Variants in DDX4 observed in about 807,000 individuals in gnomAD.
The protein encoded by DDX4 is DEAD-box helicase 4.
A neutral mutation model predicts 100.0 loss-of-function variants in DDX4; 25 were observed. That is an observed-to-expected ratio of 0.25 (90% CI 0.18 to 0.35). The LOEUF (loss-of-function observed/expected upper bound fraction) is 0.35. Among genes scored for constraint, DDX4 ranks in the 10% least tolerant of loss-of-function variants. The pLI is 1.00. For missense variants in DDX4, 635 were observed against 882.4 expected, an observed-to-expected ratio of 0.72 and a Z score of 3.55; for synonymous variants, 259 against 275.7, an observed-to-expected ratio of 0.94 and a Z score of 0.60.
chr5:55,771,139 T>C (rs1414273937), intron 7 of DDX4, among the ~76,000 whole-genome samples: 1 of 152,170 alleles, frequency 6.6e-6, no homozygotes, highest in African/African-American at 2.4e-5. Context: ...TATATATGTT[T>C]ATATTAAAAT....
intron 18 of DDX4, among the ~76,000 whole-genome samples, chr5:55,810,639 TTACCA>T (rs1561519291): frequency 6.6e-6 from 1 of 151,978 alleles, no homozygotes; most frequent in Non-Finnish European, 1.5e-5. Context: ...TTGACAACTC[TTACCA>T]TACAACTCTT....
intron 18 of DDX4, among the ~76,000 whole-genome samples, chr5:55,806,890 C>T (rs1026528854): frequency 4.6e-5 from 7 of 152,058 alleles, no homozygotes; most frequent in African/African-American, 1.7e-4. Context: ...TGTTAACTTT[C>T]TGTCTCGATC....
chr5:55,801,891 T>A (rs1743337096), intron 18 of DDX4, among the ~76,000 whole-genome samples: 1 of 152,180 alleles, frequency 6.6e-6, no homozygotes, highest in Non-Finnish European at 1.5e-5. Context: ...ACCTATAAAT[T>A]GGAGTGAATC....
chr5:55,776,276 C>T lies in DDX4; in HGVS notation c.395-3688C>T, dbSNP rs949620800. ...TCTCTAAACTTGGAAATGGAAAACA[C>T]GAGAGTGGTTAATAAATAAGGTATG... is the stretch of plus-strand genomic sequence containing the variant. On this transcript the variant is annotated intron_variant, in intron 7 of 21. Transcript: ENST00000505374. Among the ~76,000 whole-genome samples the T allele has an allele frequency of 5.9e-5, 9 of 152,096 alleles. No individual in the cohort carries two copies. In the South Asian group the frequency reaches 1.2e-3, roughly 21 times the overall value.
chr5:55,763,142 T>C (rs1320868380), intron 4 of DDX4, 33 bp from the exon 5 acceptor site: 2 of 1,376,574 alleles, frequency 1.5e-6, no homozygotes, highest in Non-Finnish European at 2.1e-6. Flanking sequence ...TAATTTTATA[T>C]GTTAAAGAGT....
chr5:55,809,774 C>G (rs925866331), intron 18 of DDX4, among the ~76,000 whole-genome samples: 1 of 152,098 alleles, frequency 6.6e-6, no homozygotes, highest in Non-Finnish European at 1.5e-5. Flanking sequence ...TGATGTACAT[C>G]CCTAGTGAAG....
At chr5:55,803,318 T>C (rs1020057723) in intron 18 of DDX4, among the ~76,000 whole-genome samples, 8 of 151,394 alleles carry the variant, frequency 5.3e-5, no homozygotes, top group Non-Finnish European at 1.0e-4. Flanking sequence ...ATGGTGTATA[T>C]GTGCCACATT....
At chr5:55,760,389 A>G (rs1740453747) in intron 4 of DDX4, 112 bp downstream of exon 4, 1 of 1,096,052 alleles carries the variant, frequency 9.1e-7, no homozygotes, top group Non-Finnish European at 1.2e-6. Context: ...AGTGTGTAGT[A>G]GACTTGGTGT....
chr5:55,767,706 ACT>A (rs1199751138), intron 6 of DDX4, among the ~76,000 whole-genome samples, 173 bp from the exon 7 acceptor site: 1 of 152,180 alleles, frequency 6.6e-6, no homozygotes, highest in East Asian at 1.9e-4. Flanking sequence ...TAGGGAATCG[ACT>A]CTGAGTAATG....
chr5:55,788,239 C>T (rs1277883890), intron 15 of DDX4, among the ~76,000 whole-genome samples: 1 of 152,086 alleles, frequency 6.6e-6, no homozygotes, highest in Non-Finnish European at 1.5e-5. Context: ...CTTTGTGAGG[C>T]CCAGGCAGGC....
intron 18 of DDX4, among the ~76,000 whole-genome samples, chr5:55,812,213 T>C (rs1475113029): frequency 1.3e-5 from 2 of 152,214 alleles, no homozygotes; most frequent in African/African-American, 4.8e-5. Context: ...TATTCATCTT[T>C]ATAAACAAAT....
intron 10 of DDX4, among the ~76,000 whole-genome samples, chr5:55,782,631 A>T (rs1320582784): frequency 6.6e-6 from 1 of 151,860 alleles, no homozygotes; most frequent in Non-Finnish European, 1.5e-5. Context: ...AAACTGTTTA[A>T]TAAAATAATA....
At chr5:55,772,032 A>G (rs1206402948) in intron 7 of DDX4, among the ~76,000 whole-genome samples, 2 of 152,152 alleles carry the variant, frequency 1.3e-5, no homozygotes, top group African/African-American at 4.8e-5. Context: ...CAGCCTGGCC[A>G]ATATGGTGAA....
intron 7 of DDX4, among the ~76,000 whole-genome samples, chr5:55,777,240 A>G (rs890820983): frequency 3.9e-5 from 6 of 152,202 alleles, no homozygotes; most frequent in African/African-American, 1.4e-4. Context: ...GAGAAAACAC[A>G]AAGATTGTAG....
rs1392558099 is a variant in DDX4, at chr5:55,765,413, A to AAAAAAATATATATATAT, written c.334+1350_334+1351insAAAAATATATATATATA. ...GTTCCCCTAAAAAAAAAAAAAAAAA[A>AAAAAAATATATATATAT]ATATATATATATATATATATATATG... is the stretch of plus-strand genomic sequence containing the variant. On this transcript the variant is annotated intron_variant, in intron 6 of 21. Coordinates refer to ENST00000505374, the MANE Select transcript of DDX4 (RefSeq NM_024415.3). Among the ~76,000 whole-genome samples the AAAAAAATATATATATAT allele has an allele frequency of 3.6e-4, 30 of 82,996 alleles. 1 individual carries two copies. Among genetic ancestry groups the AAAAAAATATATATATAT allele is most frequent in the African/African-American group, 1.7e-3 (30 of 17,196 alleles). The allele number at this position is 82,996 out of a possible 152,430, so 54.4% of individuals were successfully genotyped here.
intron 4 of DDX4, among the ~76,000 whole-genome samples, chr5:55,761,298 C>A (rs1740528987): frequency 6.6e-6 from 1 of 152,012 alleles, no homozygotes; most frequent in Admixed American, 6.6e-5. Flanking sequence ...TTTAATATTA[C>A]ATTTAGGAGC....
chr5:55,768,793 A>G (rs1299147294), intron 7 of DDX4, among the ~76,000 whole-genome samples: 3 of 152,024 alleles, frequency 2.0e-5, no homozygotes, highest in East Asian at 3.9e-4. Flanking sequence ...AGCATCTGTT[A>G]TTTTTTGATT....
At chr5:55,796,155 G>C (rs1046119535) in intron 17 of DDX4, among the ~76,000 whole-genome samples, 1 of 152,204 alleles carries the variant, frequency 6.6e-6, no homozygotes. Flanking sequence ...CGTTCTTGTA[G>C]CTGCGCTGGT....
chr5:55,740,210 C>A (rs1280868419), intron 2 of DDX4, among the ~76,000 whole-genome samples: 1 of 152,166 alleles, frequency 6.6e-6, no homozygotes, highest in Non-Finnish European at 1.5e-5. Flanking sequence ...TGCTCTGTCA[C>A]CCAGGCTGGA....
Sources: gnomAD v4.1 joint callset for allele counts (sites outside exome capture counted in the v4.1 genomes callset) on GRCh38, gnomAD v4.1.1 for gene constraint, MANE v1.5 for transcripts, NCBI Gene and HGNC (gene_info 2026-07-23, HGNC 2026-07-21) for gene names.